CNTN6: variants seen among roughly 807,000 people sequenced by gnomAD.
CNTN6 encodes contactin 6.
A neutral mutation model predicts 122.8 loss-of-function variants in CNTN6; 137 were observed. The ratio of observed to expected loss-of-function variants is 1.12; its 90% CI spans 0.97 to 1.29. The LOEUF (loss-of-function observed/expected upper bound fraction) is 1.29, where lower values mean the gene tolerates loss of function less well. CNTN6 is among the 50% of genes most tolerant of loss of function. The pLI is 0.00. For missense variants in CNTN6, 1,634 were observed against 1,223.4 expected (o/e 1.34, Z -5.01); for synonymous variants, 570 against 426.0 (o/e 1.34, Z -4.16).
At chr3:1,173,129 C>A in intron 2 of CNTN6, 1 of 422,106 alleles carries the variant, frequency 2.4e-6, no homozygotes, top group African/African-American at 2.0e-5. Context: ...GGCTTTTCTG[C>A]CATCTGTGAC....
chr3:1,242,274 GT>G (rs1400492941), intron 4 of CNTN6, among the ~76,000 whole-genome samples: 3 of 152,122 alleles, frequency 2.0e-5, no homozygotes, highest in African/African-American at 7.2e-5. Context: ...CAGGGGAATA[GT>G]GAAAAAAGCA....
intron 10 of CNTN6, among the ~76,000 whole-genome samples, chr3:1,328,445 A>G (rs1701835161): frequency 6.6e-6 from 1 of 151,822 alleles, no homozygotes; most frequent in South Asian, 2.1e-4. Context: ...ATGGGTGATG[A>G]GCACTCATTC....
chr3:1,169,306 G>A (rs762433938), intron 2 of CNTN6, among the ~76,000 whole-genome samples: 1 of 152,210 alleles, frequency 6.6e-6, no homozygotes. Flanking sequence ...AAACCAGCTA[G>A]AGGCTGTGGT....
At chr3:1,313,985 C>T (rs1204314509) in intron 7 of CNTN6, among the ~76,000 whole-genome samples, 1 of 152,054 alleles carries the variant, frequency 6.6e-6, no homozygotes, top group Non-Finnish European at 1.5e-5. Flanking sequence ...GTCCCACCTC[C>T]TAATACTATC....
intron 4 of CNTN6, among the ~76,000 whole-genome samples, chr3:1,273,980 T>C (rs987358349): frequency 9.2e-5 from 14 of 152,202 alleles, no homozygotes; most frequent in African/African-American, 3.4e-4. Flanking sequence ...ATCCAAAGCT[T>C]GTTAATTTCA....
At chr3:1,173,216 C>T (rs1474399460) in intron 2 of CNTN6, 4 of 456,488 alleles carry the variant, frequency 8.8e-6, no homozygotes, top group Non-Finnish European at 1.3e-5. Flanking sequence ...AAGTTTATAT[C>T]AGTCCAATTC....
At chr3:1,119,863 A>G (rs1225187622) in intron 1 of CNTN6, among the ~76,000 whole-genome samples, 1 of 152,088 alleles carries the variant, frequency 6.6e-6, no homozygotes, top group Non-Finnish European at 1.5e-5. Context: ...CCAAGAAAGT[A>G]CTTTCACACT....
At position 1,394,250 on chromosome 3, in the gene CNTN6, G is replaced by C. The variant is rs890847579; in HGVS notation, c.2705-7183G>C. The C allele has an allele frequency of 4.2e-5, 10 of 235,780 alleles. No homozygotes were observed. The Admixed American group carries it at 5.4e-4, about 13-fold the overall frequency. 14.6% of individuals were successfully genotyped at this position (235,780 alleles called of 1,614,324 possible). A position where few individuals can be genotyped will look rare whatever the true frequency, so the allele number is the denominator to read the frequency against. On this transcript the variant is annotated intron_variant, in intron 20 of 22. Transcript: ENST00000446702. ...CCAATAGTGCCAGCCCCACTGCCAG[G>C]AACAAGACAGCCAGGAATCAGAGGA...
intron 1 of CNTN6, among the ~76,000 whole-genome samples, chr3:1,100,767 T>C (rs539003900): frequency 1.3e-5 from 2 of 152,178 alleles, no homozygotes; most frequent in South Asian, 4.1e-4. Context: ...TATATTGCTC[T>C]TTTAAAAATT....
chr3:1,158,341 A>G (rs1314823149), intron 2 of CNTN6, among the ~76,000 whole-genome samples: 1 of 152,188 alleles, frequency 6.6e-6, no homozygotes, highest in Non-Finnish European at 1.5e-5. Context: ...CTTTTGAGAA[A>G]TAGCTATTCA....
intron 12 of CNTN6, among the ~76,000 whole-genome samples, chr3:1,367,288 A>G (rs1209022265): frequency 6.6e-6 from 1 of 151,992 alleles, no homozygotes; most frequent in African/African-American, 2.4e-5. Flanking sequence ...GCTGTGAACA[A>G]CATCTCCTCA....
intron 7 of CNTN6, among the ~76,000 whole-genome samples, chr3:1,316,408 G>T (rs1700105148): frequency 6.6e-6 from 1 of 151,952 alleles, no homozygotes; most frequent in East Asian, 1.9e-4. Flanking sequence ...AAGGAAGAGA[G>T]AGAGAGGGAA....
intron 4 of CNTN6, among the ~76,000 whole-genome samples, chr3:1,244,036 T>G (rs1448380187): frequency 1.3e-5 from 2 of 152,178 alleles, no homozygotes; most frequent in Non-Finnish European, 2.9e-5. Context: ...TTGCCCATTT[T>G]TCGACAAAAA....
chr3:1,362,676 C>A (rs115073588), intron 12 of CNTN6, among the ~76,000 whole-genome samples: 1,950 of 152,016 alleles, frequency 0.013, 17 homozygotes, highest in Non-Finnish European at 0.02. Flanking sequence ...TAGTGAATAA[C>A]TTTTAACATA....
intron 1 of CNTN6, among the ~76,000 whole-genome samples, chr3:1,115,687 G>C (rs1163380860): frequency 6.6e-6 from 1 of 152,156 alleles, no homozygotes; most frequent in Non-Finnish European, 1.5e-5. Flanking sequence ...GGGAGGCAGA[G>C]GTTACAGTGA....
chr3:1,274,429 G>C (rs1003909445), intron 4 of CNTN6, among the ~76,000 whole-genome samples: 12 of 152,186 alleles, frequency 7.9e-5, no homozygotes, highest in African/African-American at 2.9e-4. Flanking sequence ...AGAGCAGGTG[G>C]AGAACGGGAA....
intron 4 of CNTN6, among the ~76,000 whole-genome samples, chr3:1,256,094 C>T (rs551477892): frequency 6.6e-6 from 1 of 152,166 alleles, no homozygotes; most frequent in East Asian, 1.9e-4. Context: ...TAGTTTTGAA[C>T]TCCTGGGTTC....
chr3:1,112,596 G>A (rs2091531811), intron 1 of CNTN6, among the ~76,000 whole-genome samples: 1 of 152,154 alleles, frequency 6.6e-6, no homozygotes, highest in African/African-American at 2.4e-5. Context: ...CCAGCTGATA[G>A]GATTGTGCCC....
At chr3:1,316,560 A>G (rs1004330508) in intron 7 of CNTN6, among the ~76,000 whole-genome samples, 6 of 151,858 alleles carry the variant, frequency 4.0e-5, no homozygotes, top group Non-Finnish European at 7.4e-5. Flanking sequence ...CCCACCTTCA[A>G]TACTGGGGAT....
Sources: allele counts gnomAD v4.1 joint callset (sites outside exome capture counted in the v4.1 genomes callset), GRCh38; gene constraint gnomAD v4.1.1; transcripts MANE v1.5; gene names NCBI Gene and HGNC (gene_info 2026-07-23, HGNC 2026-07-21).